ECT2: variants seen among roughly 807,000 people sequenced by gnomAD.
ECT2 encodes the protein epithelial cell transforming 2, also known as protein ECT2.
A neutral mutation model predicts 116.9 loss-of-function variants in ECT2; 61 were observed. The ratio of observed to expected loss-of-function variants is 0.52; its 90% CI spans 0.42 to 0.65. The LOEUF (loss-of-function observed/expected upper bound fraction) is 0.65, where lower values mean the gene tolerates loss of function less well. Ranked by LOEUF, ECT2 falls within the 30% of genes least tolerant of loss-of-function variation. The pLI is 0.00. For synonymous variants in ECT2, 358 were observed against 346.4 expected (o/e 1.03, Z -0.37); for missense variants, 937 against 1,078.7 (o/e 0.87, Z 1.84).
At chr3:172,750,919 C>T (rs572246457) in intron 1 of ECT2, 62 bp downstream of exon 1, 1 of 152,718 alleles carries the variant, frequency 6.5e-6, no homozygotes, top group Admixed American at 6.5e-5. Flanking sequence ...GCCAAGGGCT[C>T]TTTTGCCTGC....
intron 5 of ECT2, among the ~76,000 whole-genome samples, chr3:172,758,114 C>T (rs1469679708): frequency 6.6e-6 from 1 of 152,110 alleles, no homozygotes; most frequent in East Asian, 1.9e-4. Flanking sequence ...CCTGCCTCTG[C>T]CTCCCAAAGT....
At chr3:172,789,847 C>T (rs1370503539) in intron 18 of ECT2, among the ~76,000 whole-genome samples, 1 of 152,134 alleles carries the variant, frequency 6.6e-6, no homozygotes, top group Admixed American at 6.5e-5. Context: ...CTTTAGTCTC[C>T]ACTTCTAATT....
chr3:172,818,224 A>G (rs1730102001), intron 24 of ECT2: 2 of 155,196 alleles, frequency 1.3e-5, no homozygotes, highest in Non-Finnish European at 2.9e-5. Flanking sequence ...TTTTTCATCA[A>G]CATTAATCTT....
chr3:172,819,090 G>C (rs372694846), intron 24 of ECT2, among the ~76,000 whole-genome samples: 2 of 152,204 alleles, frequency 1.3e-5, no homozygotes, highest in African/African-American at 4.8e-5. Context: ...CTTAATGTTA[G>C]ATTTATAGCA....
At chr3:172,778,676 A>G (rs1337182218) in intron 14 of ECT2, among the ~76,000 whole-genome samples, 1 of 138,970 alleles carries the variant, frequency 7.2e-6, no homozygotes, top group Admixed American at 8.1e-5. Flanking sequence ...GCTCACTGCA[A>G]CCTCCACCTG....
At chr3:172,810,960 G>A (rs1472588694) in intron 22 of ECT2, among the ~76,000 whole-genome samples, 1 of 152,054 alleles carries the variant, frequency 6.6e-6, no homozygotes, top group East Asian at 1.9e-4. Context: ...CCCTTCCAAA[G>A]CTTCTTTAAT....
chr3:172,783,541 C>A (rs6793456), intron 15 of ECT2, among the ~76,000 whole-genome samples: 9,346 of 152,022 alleles, frequency 0.061, 970 homozygotes, highest in African/African-American at 0.21. Context: ...TCAATACAAT[C>A]AGCTTTAACA....
intron 18 of ECT2, among the ~76,000 whole-genome samples, chr3:172,793,354 G>A (rs554701210): frequency 2.9e-4 from 44 of 151,916 alleles, no homozygotes; most frequent in Middle Eastern, 3.4e-3. Flanking sequence ...TAGTAGAGAC[G>A]GGGTTTCCCC....
chr3:172,820,589 T>G lies in ECT2; in HGVS notation c.*352T>G, dbSNP rs1730565397. The G allele has an allele frequency of 6.1e-6, 1 of 163,922 alleles. No homozygotes were observed. Among genetic ancestry groups the G allele is most frequent in the Admixed American group, 6.3e-5 (1 of 15,832 alleles). 10.2% of individuals were successfully genotyped at this position (163,922 alleles called of 1,614,324 possible). A position where few individuals can be genotyped will look rare whatever the true frequency, so the allele number is the denominator to read the frequency against. On this transcript the variant is annotated 3_prime_UTR_variant, in exon 25 of 25. Coordinates refer to ENST00000392692, the MANE Select transcript of ECT2 (RefSeq NM_001258315.2). ...TGCCAAATACTGCTGTGAATCTATTTGTATAGTATCCATGAATGAATTTAT... is the reference window on the plus strand; with the variant it reads ...TGCCAAATACTGCTGTGAATCTATTGGTATAGTATCCATGAATGAATTTAT...
In ECT2 at chr3:172,771,097, C is replaced by T. The variant is rs535435721; in HGVS notation, c.1428+1954C>T. The stretch of plus-strand genomic sequence containing the variant: ...ACAGTTTATTTAATAGCAGCTGGTA[C>T]ACATGAAATTTCCTTCCTTTGGTAA... On this transcript the variant is annotated intron_variant, in intron 13 of 24. Transcript: ENST00000392692. 9.2e-5 allele frequency among the ~76,000 whole-genome samples: 14 copies of T among 152,198 alleles called. No individual in the cohort carries two copies. The South Asian group carries it at 2.9e-3, about 32-fold the overall frequency.
intron 18 of ECT2, among the ~76,000 whole-genome samples, chr3:172,792,061 G>A (rs941630083): frequency 1.3e-5 from 2 of 152,166 alleles, no homozygotes; most frequent in African/African-American, 4.8e-5. Flanking sequence ...TGGCTAGTTG[G>A]TGGAGCACTC....
intron 5 of ECT2, among the ~76,000 whole-genome samples, chr3:172,757,694 C>T (rs1483252074): frequency 2.6e-5 from 4 of 152,060 alleles, no homozygotes; most frequent in Non-Finnish European, 4.4e-5. Flanking sequence ...GGATTACAGG[C>T]GTGAGCCACT....
Position 172,801,172 on chromosome 3 carries a change from T to G in ECT2, c.1908-1444T>G, listed in dbSNP as rs1053508359. 2.0e-5 allele frequency among the ~76,000 whole-genome samples: 3 copies of G among 152,244 alleles called. No individual in the cohort carries two copies. The East Asian group carries it at 5.8e-4, about 29-fold the overall frequency. On this transcript the variant is annotated intron_variant, in intron 18 of 24. Coordinates refer to ENST00000392692, the MANE Select transcript of ECT2 (RefSeq NM_001258315.2). Reference sequence around the variant, plus strand: ...TGTCATTGCATGCCTGGTATTATTTTATTGAATTCTAGACATTGTCAGTTT... The same window carrying G: ...TGTCATTGCATGCCTGGTATTATTTGATTGAATTCTAGACATTGTCAGTTT...
intron 18 of ECT2, among the ~76,000 whole-genome samples, chr3:172,801,524 A>G (rs1577003107): frequency 1.3e-5 from 2 of 152,214 alleles, no homozygotes; most frequent in Admixed American, 6.5e-5. Context: ...TTACACGCAT[A>G]CAGTGATCAG....
chr3:172,828,826 C>CTA, the ECT2 span: 1 of 821,242 alleles, frequency 1.2e-6, no homozygotes, highest in Non-Finnish European at 2.0e-6. Context: ...AGGAGAAGAG[C>CTA]TACTGCCTGA....
In ECT2 at chr3:172,821,215, A is replaced by G. The variant is rs1730644642; in HGVS notation, c.*978A>G. On this transcript the variant is annotated 3_prime_UTR_variant, in exon 25 of 25. Transcript: ENST00000392692. ...TGTTTCAAAGTGTGATATCTTTCAC[A>G]ATAGCCTTTTTATAGTCAGTAATTC... The G allele has an allele frequency of 6.6e-6, 1 of 151,946 alleles. No homozygotes were observed. The allele number at this position is 151,946 out of a possible 1,614,324, so 9.4% of individuals were successfully genotyped here.
At chr3:172,759,543 A>G (rs1001005274) in intron 6 of ECT2, among the ~76,000 whole-genome samples, 23 of 152,028 alleles carry the variant, frequency 1.5e-4, no homozygotes, top group African/African-American at 5.3e-4. Context: ...CCAGGTTCAC[A>G]CCATTCTCTT....
At chr3:172,784,851 TG>T in intron 17 of ECT2, 48 bp downstream of exon 17, 1 of 1,151,696 alleles carries the variant, frequency 8.7e-7, no homozygotes, top group Non-Finnish European at 1.2e-6. Flanking sequence ...TTAATGGAAT[TG>T]TTTTTTCCAA....
At chr3:172,798,114 A>T (rs1333198536) in intron 18 of ECT2, among the ~76,000 whole-genome samples, 2 of 152,172 alleles carry the variant, frequency 1.3e-5, no homozygotes, top group Non-Finnish European at 2.9e-5. Context: ...TTAAATTATT[A>T]GGCTTATTTG....
Sources: allele counts gnomAD v4.1 joint callset (sites outside exome capture counted in the v4.1 genomes callset), GRCh38; gene constraint gnomAD v4.1.1; transcripts MANE v1.5; gene names NCBI Gene and HGNC (gene_info 2026-07-23, HGNC 2026-07-21).